NRROS: variants seen among roughly 807,000 people sequenced by gnomAD.
NRROS encodes negative regulator of reactive oxygen species.
In NRROS, 6 loss-of-function variants were observed where a neutral mutation model predicts 12.0. That is an observed-to-expected ratio of 0.50 (90% confidence interval 0.27 to 0.98). The LOEUF (loss-of-function observed/expected upper bound fraction) is 0.98, where lower values mean the gene tolerates loss of function less well. Ranked by LOEUF, NRROS falls within the 50% of genes least tolerant of loss-of-function variation. NRROS has a pLI of 0.11. For synonymous variants in NRROS, 462 were observed against 410.2 expected (o/e 1.13, Z -1.53); for missense variants, 857 against 888.2 (o/e 0.96, Z 0.45).
Position 196,660,999 on chromosome 3 carries a change from C to A in NRROS, c.1356C>A (p.Pro452=), listed in dbSNP as rs1232917736. 8 of 1,614,178 alleles carry A rather than the reference C, an allele frequency of 5.0e-6. No homozygotes were observed. The highest frequency in any genetic ancestry group is 6.8e-6 in the Non-Finnish European group (8 of 1,180,044). ...PLPAASDRVG[P]PSCVDFRNMA... ...CAGCTGCCTCGGACCGGGTGGGCCC[C>A]CCTAGCTGTGTGGATTTCAGGAATA... The change falls in exon 3 of 3, where the codon CCC becomes CCA. Residue 452 remains proline (P), a synonymous_variant. Coordinates refer to ENST00000328557, the MANE Select transcript of NRROS (RefSeq NM_198565.3). The surrounding 1 kb of genome is among the most constrained non-coding windows in gnomAD (Gnocchi z 7.7).
rs781477380 is a variant in NRROS, at chr3:196,661,353, C to T, written c.1710C>T (p.Leu570=). The T allele has an allele frequency of 5.1e-6, 8 of 1,579,422 alleles. No homozygotes were observed. The highest frequency in any genetic ancestry group is 2.3e-5 in the South Asian group (2 of 85,598). ...CCCTGGATCTCCGTAGAAACTCGCT[C>T]ACAGCCCTTCCCCAGAAGGCTGTGT... ...LETLDLRRNS[L]TALPQKAVSE... is the part of the protein sequence containing the mutation. Residue 570 remains leucine, a synonymous_variant, in exon 3 of 3, where the codon CTC becomes CTT. Transcript: ENST00000328557.
rs1424890939 is a variant in NRROS, at chr3:196,660,516, C to T, written c.873C>T (p.Tyr291=). Residue 291 remains tyrosine (Y), a synonymous_variant, in exon 3 of 3, where the codon TAC becomes TAT. Coordinates refer to ENST00000328557, the MANE Select transcript of NRROS (RefSeq NM_198565.3). This position sits in a 1 kb window ranked among gnomAD's most constrained non-coding sequence, Gnocchi z 7.7. ...DNNMGFYRDL[Y]NTSSPREMVA... ...ACATGGGCTTCTACCGGGACCTGTA[C>T]AACACCTCGTCGCCGAGGGAGATGG... 1.2e-6 allele frequency: 2 copies of T among 1,614,198 alleles called. No individual in the cohort carries two copies. Among genetic ancestry groups the T allele is most frequent in the Non-Finnish European group, 8.5e-7 (1 of 1,180,036 alleles).
chr3:196,649,298 G>A (rs1400344734), intron 1 of NRROS, among the ~76,000 whole-genome samples: 1 of 152,066 alleles, frequency 6.6e-6, no homozygotes, highest in African/African-American at 2.4e-5. Flanking sequence ...CAGATCCCAG[G>A]TGCAATTGCT....
At chr3:196,646,695 A>G (rs1056891905) in intron 1 of NRROS, among the ~76,000 whole-genome samples, 1 of 152,184 alleles carries the variant, frequency 6.6e-6, no homozygotes, top group Non-Finnish European at 1.5e-5. Flanking sequence ...GCCCAGGGGA[A>G]GAAGGGTTGC....
chr3:196,657,203 CAAAAAAA>C (rs916834660), intron 2 of NRROS, among the ~76,000 whole-genome samples: 3 of 113,004 alleles, frequency 2.7e-5, no homozygotes, highest in Middle Eastern at 0.011. Context: ...GACTCCGTAT[CAAAAAAA>C]AAAAAAAGAA....
intron 1 of NRROS, among the ~76,000 whole-genome samples, chr3:196,646,710 G>A (rs1410822920): frequency 2.0e-5 from 3 of 152,210 alleles, no homozygotes; most frequent in African/African-American, 7.2e-5. Flanking sequence ...GGTTGCTGGG[G>A]CCTCTGAATC....
chr3:196,661,149 C>G lies in NRROS; in HGVS notation c.1506C>G (p.Ser502Arg). The G allele has an allele frequency of 1.2e-6, 2 of 1,612,350 alleles. No homozygotes were observed. Among genetic ancestry groups the G allele is most frequent in the South Asian group, 2.2e-5 (2 of 90,910 alleles). Residue 502 changes from serine to arginine, a missense_variant, in exon 3 of 3, where the codon AGC (serine) becomes AGG (arginine). Physicochemically the swap from Ser to Arg is moderately radical, Grantham distance 110. Coordinates refer to ENST00000328557, the MANE Select transcript of NRROS (RefSeq NM_198565.3). ...GCAACTGGGGGGTTCTGAATGGGAG[C>G]CTCGCCCCACTCCAGGATGTTGCCC... ...LSSNWGVLNG[S>R]LAPLQDVAPM...
intron 1 of NRROS, among the ~76,000 whole-genome samples, chr3:196,648,403 A>G (rs1017993022): frequency 3.3e-5 from 5 of 152,170 alleles, no homozygotes; most frequent in African/African-American, 1.2e-4. Context: ...TGTGCATCTG[A>G]AAACTCATCA....
rs1319312390 is a variant in NRROS, at chr3:196,661,401, G to A, written c.1758G>A (p.Leu586=). The part of the protein sequence containing the change: ...KAVSEQLSRG[L]RTIYLSQNPY... The stretch of plus-strand genomic sequence containing the variant: ...TGTCTGAGCAGCTCTCGAGAGGTCT[G>A]CGGACCATCTACCTCAGTCAGAATC... Residue 586 remains leucine, a synonymous_variant, in exon 3 of 3, where the codon CTG becomes CTA. Coordinates refer to ENST00000328557, the MANE Select transcript of NRROS (RefSeq NM_198565.3). 1.9e-6 allele frequency: 3 copies of A among 1,572,544 alleles called. No individual in the cohort carries two copies. Among genetic ancestry groups the A allele is most frequent in the Non-Finnish European group, 2.6e-6 (3 of 1,156,530 alleles).
Position 196,661,894 on chromosome 3 carries a change from A to G in NRROS, c.*172A>G, listed in dbSNP as rs1577638779. On this transcript the variant is annotated 3_prime_UTR_variant, in exon 3 of 3. Coordinates refer to ENST00000328557, the MANE Select transcript of NRROS (RefSeq NM_198565.3). ...CCACCCCCGCCCCCACCACCGCCCA[A>G]GTTCTTTTTCCATCATTATAATTCA... 3.1e-6 allele frequency: 1 copy of G among 320,512 alleles called. No homozygotes were observed. The highest frequency in any genetic ancestry group is 7.5e-5 in the African/African-American group (1 of 13,328). 19.9% of individuals were successfully genotyped at this position (320,512 alleles called of 1,614,324 possible).
At chr3:196,644,534 T>G (rs1195591645) in intron 1 of NRROS, among the ~76,000 whole-genome samples, 1 of 151,952 alleles carries the variant, frequency 6.6e-6, no homozygotes, top group Admixed American at 6.6e-5. Context: ...TCCCAGCACT[T>G]TGGGAGGCCA....
intron 1 of NRROS, among the ~76,000 whole-genome samples, chr3:196,652,571 C>T (rs1298422154): frequency 1.3e-5 from 2 of 152,222 alleles, no homozygotes; most frequent in African/African-American, 4.8e-5. Context: ...CCTGCTGCTT[C>T]CTGCCAGGGC....
chr3:196,657,550 A>G (rs1737565039), intron 2 of NRROS, among the ~76,000 whole-genome samples: 1 of 152,030 alleles, frequency 6.6e-6, no homozygotes, highest in Non-Finnish European at 1.5e-5. Context: ...TCTACTAAAA[A>G]TACAAAATTA....
intron 2 of NRROS, among the ~76,000 whole-genome samples, chr3:196,658,487 G>A (rs1250720257): frequency 2.0e-5 from 3 of 152,186 alleles, no homozygotes; most frequent in Non-Finnish European, 2.9e-5. Context: ...GTAGAGCCGA[G>A]ATTCAGATTG....
Position 196,660,633 on chromosome 3 carries a change from C to G in NRROS, c.990C>G (p.Leu330=). ...EEFSSSDLAD[L]RFLDMSQNQF... ...TCTCCTCCAGCGACCTCGCAGATCTCCGCTTCCTGGACATGAGCCAGAACC... is the reference window on the plus strand; with the variant it reads ...TCTCCTCCAGCGACCTCGCAGATCTGCGCTTCCTGGACATGAGCCAGAACC... The change falls in exon 3 of 3, where the codon CTC becomes CTG. Residue 330 remains leucine, a synonymous_variant. Transcript: ENST00000328557. This position sits in a 1 kb window ranked among gnomAD's most constrained non-coding sequence, Gnocchi z 7.7. The G allele has an allele frequency of 6.2e-7, 1 of 1,614,246 alleles. No homozygotes were observed. The highest frequency in any genetic ancestry group is 8.5e-7 in the Non-Finnish European group (1 of 1,180,042).
intron 1 of NRROS, among the ~76,000 whole-genome samples, chr3:196,645,987 T>C (rs1737301142): frequency 6.6e-6 from 1 of 152,240 alleles, no homozygotes; most frequent in African/African-American, 2.4e-5. Context: ...AAAGCGTCTG[T>C]CCCCCTCCAG....
At chr3:196,657,142 T>G (rs11717794) in intron 2 of NRROS, among the ~76,000 whole-genome samples, 40,558 of 150,448 alleles carry the variant, frequency 0.27, 5,595 homozygotes, top group East Asian at 0.31. Flanking sequence ...AGGCCGAGGT[T>G]GCAGTGAGCT....
intron 1 of NRROS, among the ~76,000 whole-genome samples, chr3:196,647,235 T>C (rs1382604353): frequency 6.6e-6 from 1 of 152,234 alleles, no homozygotes; most frequent in Non-Finnish European, 1.5e-5. Context: ...TCAAAAAGAA[T>C]CCAGACTTTC....
At chr3:196,659,656 G>T in intron 2 of NRROS, 96 bp from the exon 3 acceptor site, 1 of 1,234,252 alleles carries the variant, frequency 8.1e-7, no homozygotes, top group East Asian at 2.5e-5. Flanking sequence ...CATCCCCGGC[G>T]GTTGCAGGGA....
Sources: gnomAD v4.1 joint callset for allele counts (sites outside exome capture counted in the v4.1 genomes callset) on GRCh38, gnomAD v4.1.1 for gene constraint, Gnocchi (gnomAD v3.1) non-coding constraint, MANE v1.5 for transcripts, NCBI Gene and HGNC (gene_info 2026-07-23, HGNC 2026-07-21) for gene names.